Variants in TMTC3 observed in about 807,000 individuals in gnomAD.
TMTC3 encodes the protein protein O-mannosyl-transferase TMTC3.
Under a neutral mutation model 92.2 loss-of-function variants are expected in TMTC3, and 52 were observed. The observed-to-expected ratio is 0.56, with a 90% CI of 0.45 to 0.71. TMTC3 has a LOEUF of 0.71. Ranked by LOEUF, TMTC3 falls within the 30% of genes least tolerant of loss-of-function variation. TMTC3 has a pLI of 0.00. For missense variants in TMTC3, 896 were observed against 1,057.1 expected, an observed-to-expected ratio of 0.85 and a Z score of 2.11; for synonymous variants, 339 against 363.3, an observed-to-expected ratio of 0.93 and a Z score of 0.76.
At chr12:88,188,225 A>G (rs888156838) in intron 10 of TMTC3, among the ~76,000 whole-genome samples, 1 of 152,186 alleles carries the variant, frequency 6.6e-6, no homozygotes, top group African/African-American at 2.4e-5. Flanking sequence ...ATCGAATGGC[A>G]AAGTTTTTTT....
Position 88,148,387 on chromosome 12 carries a change from CTT to C in TMTC3, c.75_76del (p.Phe25LeufsTer6). On this transcript the variant is annotated frameshift_variant, in exon 2 of 14. Transcript: ENST00000266712. LOFTEE classifies it high-confidence loss of function. Reference sequence around the variant, plus strand: ...TTACTGCCTGCTATTGGAACAGCCTCTTTTGTGGTTTTGTTTTTGATGATGTT... The same window carrying C: ...TTACTGCCTGCTATTGGAACAGCCTCTTGTGGTTTTGTTTTTGATGATGTT... ...VVTACYWNSL[F>X]CGFVFDDVSA... 2 of 1,613,568 alleles carry C rather than the reference CTT, an allele frequency of 1.2e-6. No individual in the cohort carries two copies. Among genetic ancestry groups the C allele is most frequent in the Non-Finnish European group, 1.7e-6 (2 of 1,179,714 alleles).
At chr12:88,184,266 A>G (rs377272569) in intron 10 of TMTC3, among the ~76,000 whole-genome samples, 20 of 152,274 alleles carry the variant, frequency 1.3e-4, no homozygotes, top group African/African-American at 4.8e-4. Context: ...GGTAATGAAC[A>G]TTGTCGACCC....
At chr12:88,175,580 C>G (rs1254444592) in intron 9 of TMTC3, among the ~76,000 whole-genome samples, 1 of 152,092 alleles carries the variant, frequency 6.6e-6, no homozygotes, top group African/African-American at 2.4e-5. Context: ...CAAGTGAGAC[C>G]TCATTACCAT....
chr12:88,166,199 A>C (rs920594337), intron 6 of TMTC3, 131 bp from the exon 7 acceptor site: 7 of 894,654 alleles, frequency 7.8e-6, no homozygotes, highest in Non-Finnish European at 1.2e-5. Flanking sequence ...TGAGGTACAC[A>C]TAACATTTGT....
chr12:88,150,619 G>T (rs889163028), intron 2 of TMTC3, among the ~76,000 whole-genome samples: 3 of 152,130 alleles, frequency 2.0e-5, no homozygotes, highest in African/African-American at 7.2e-5. Context: ...GTGTAGTTGT[G>T]TAGTTTCCTT....
intron 12 of TMTC3, among the ~76,000 whole-genome samples, chr12:88,191,388 GACAA>G (rs963935418): frequency 6.6e-6 from 1 of 151,720 alleles, no homozygotes; most frequent in African/African-American, 2.4e-5. Context: ...TAATATTTTG[GACAA>G]ACATTCATTC....
chr12:88,174,025 A>G (rs1386779810), intron 8 of TMTC3, among the ~76,000 whole-genome samples: 1 of 152,148 alleles, frequency 6.6e-6, no homozygotes, highest in African/African-American at 2.4e-5. Flanking sequence ...TATTAATACT[A>G]AACAAGATCA....
At position 88,195,577 on chromosome 12, in the gene TMTC3, A is replaced by G. The variant is rs777483890; in HGVS notation, c.2673A>G (p.Lys891=). 6 of 1,607,610 alleles carry G rather than the reference A, an allele frequency of 3.7e-6. No homozygotes were observed. The African/African-American group carries it at 5.4e-5, about 14-fold the overall frequency. ...CCCACAAAACAACAAAAGACATCAA[A>G]GAAATTGAGAAGAAAAGAGTTGCTG... ...ETPHKTTKDI[K]EIEKKRVAAL... is the part of the protein sequence containing the mutation. Residue 891 remains lysine (K), a synonymous_variant, in exon 14 of 14, where the codon AAA becomes AAG. Transcript: ENST00000266712.
At position 88,195,966 on chromosome 12, in the gene TMTC3, G is replaced by T. The variant is rs574518098; in HGVS notation, c.*317G>T. The T allele has an allele frequency of 1.5e-4, 28 of 187,668 alleles. 1 individual carries two copies. The highest frequency in any genetic ancestry group is 3.0e-4 in the Non-Finnish European group (27 of 91,166). The allele number at this position is 187,668 out of a possible 1,614,324, so 11.6% of individuals were successfully genotyped here. ...GCTCTCAATTAAAAATAATTTTGAG[G>T]CCTGAATGATAATCCCTTGAGGACA... On this transcript the variant is annotated 3_prime_UTR_variant, in exon 14 of 14. Coordinates refer to ENST00000266712, the MANE Select transcript of TMTC3 (RefSeq NM_181783.4).
At chr12:88,146,631 A>G (rs1851982582) in intron 1 of TMTC3, among the ~76,000 whole-genome samples, 1 of 149,344 alleles carries the variant, frequency 6.7e-6, no homozygotes, top group African/African-American at 2.4e-5. Context: ...ATATACATAT[A>G]TATGTATATA....
At chr12:88,156,227 G>T (rs2041007753) in intron 4 of TMTC3, among the ~76,000 whole-genome samples, 1 of 152,182 alleles carries the variant, frequency 6.6e-6, no homozygotes, top group South Asian at 2.1e-4. Context: ...CAGATATTGA[G>T]TTGTTTTGGC....
chr12:88,195,401 A>T lies in TMTC3; in HGVS notation c.2497A>T (p.Ile833Phe). ...FIEPIFPTSK[I>F]SSVEGKKIPT... ...AGAGCCAATATTCCCAACCAGTAAG[A>T]TTTCAAGTGTGGAAGGAAAGAAAAT... is the stretch of plus-strand genomic sequence containing the variant. Residue 833 changes from isoleucine to phenylalanine, a missense_variant, in exon 14 of 14, where the codon ATT becomes TTT. Transcript: ENST00000266712. 1.2e-6 allele frequency: 2 copies of T among 1,613,840 alleles called. No homozygotes were observed. Among genetic ancestry groups the T allele is most frequent in the Non-Finnish European group, 1.7e-6 (2 of 1,179,886 alleles).
Position 88,194,834 on chromosome 12 carries a change from C to T in TMTC3, c.1934-4C>T, listed in dbSNP as rs2041489615. 3 of 1,510,354 alleles carry T rather than the reference C, an allele frequency of 2.0e-6. No individual in the cohort carries two copies. Among genetic ancestry groups the T allele is most frequent in the Non-Finnish European group, 2.6e-6 (3 of 1,132,092 alleles). 93.6% of individuals were successfully genotyped at this position (1,510,354 alleles called of 1,614,324 possible). A position where few individuals can be genotyped will look rare whatever the true frequency, so the allele number is the denominator to read the frequency against. ...TATATTTTTTCTTTAAAAAAACTTT[C>T]TAGGTGAGGTTAAACTCAGACCTGA... is the stretch of plus-strand genomic sequence containing the variant. On this transcript the variant is annotated splice_polypyrimidine_tract_variant and splice_region_variant and intron_variant, in intron 13 of 13. Transcript: ENST00000266712.
intron 2 of TMTC3, 107 bp downstream of exon 2, chr12:88,148,611 A>T: frequency 2.4e-6 from 2 of 820,718 alleles, no homozygotes; most frequent in African/African-American, 1.7e-5. Flanking sequence ...ACAGTTACAG[A>T]TTTTTAACCC....
rs544978930 is a variant in TMTC3, at chr12:88,155,695, C to T, written c.508+1308C>T. On this transcript the variant is annotated intron_variant, in intron 4 of 13. Coordinates refer to ENST00000266712, the MANE Select transcript of TMTC3 (RefSeq NM_181783.4). ...GTATTTCTGTCTTAGAAAAGCCTTC[C>T]CTGTTCTAACTGAAATAGCTTTTCA... is the stretch of plus-strand genomic sequence containing the variant. 1.1e-4 allele frequency among the ~76,000 whole-genome samples: 17 copies of T among 152,236 alleles called. No individual in the cohort carries two copies. In the South Asian group the frequency reaches 3.3e-3, roughly 30 times the overall value.
At chr12:88,169,947 AAAAGG>A (rs2041186690) in intron 7 of TMTC3, among the ~76,000 whole-genome samples, 1 of 151,772 alleles carries the variant, frequency 6.6e-6, no homozygotes, top group Non-Finnish European at 1.5e-5. Flanking sequence ...GAAAAAAAAA[AAAAGG>A]AAGAAGAAAA....
Position 88,160,099 on chromosome 12 carries a change from G to A in TMTC3, c.509-15G>A. On this transcript the variant is annotated splice_polypyrimidine_tract_variant and intron_variant, in intron 4 of 13. Coordinates refer to ENST00000266712, the MANE Select transcript of TMTC3 (RefSeq NM_181783.4). ...TGTTTTCTGAATTTTTATATTTTCT[G>A]TTCTCAAATTGCAGTATGGACTCCA... 1 of 1,493,938 alleles carries A rather than the reference G, an allele frequency of 6.7e-7. No individual in the cohort carries two copies. Among genetic ancestry groups the A allele is most frequent in the Non-Finnish European group, 9.1e-7 (1 of 1,101,198 alleles). The allele number at this position is 1,493,938 out of a possible 1,614,324, so 92.5% of individuals were successfully genotyped here. A position where few individuals can be genotyped will look rare whatever the true frequency, so the allele number is the denominator to read the frequency against.
intron 4 of TMTC3, among the ~76,000 whole-genome samples, chr12:88,158,793 T>G (rs1388729186): frequency 1.3e-5 from 2 of 152,144 alleles, no homozygotes; most frequent in East Asian, 3.8e-4. Flanking sequence ...GGCTCACGCC[T>G]GTAATCCCAG....
At chr12:88,156,593 T>C (rs1222749651) in intron 4 of TMTC3, among the ~76,000 whole-genome samples, 1 of 152,128 alleles carries the variant, frequency 6.6e-6, no homozygotes, top group Non-Finnish European at 1.5e-5. Context: ...GTGCTCTGCT[T>C]TTACCTCTGG....
Sources: gnomAD v4.1 joint callset for allele counts (sites outside exome capture counted in the v4.1 genomes callset) on GRCh38, gnomAD v4.1.1 for gene constraint, MANE v1.5 for transcripts, NCBI Gene and HGNC (gene_info 2026-07-23, HGNC 2026-07-21) for gene names.